TSPOAP1: variants seen among roughly 807,000 people sequenced by gnomAD.
TSPOAP1 encodes peripheral-type benzodiazepine receptor-associated protein 1.
TSPOAP1 carries 87 observed loss-of-function variants against 197.0 expected under a neutral mutation model. The ratio of observed to expected loss-of-function variants is 0.44; its 90% confidence interval spans 0.37 to 0.53. The LOEUF is 0.53. Ranked by LOEUF, TSPOAP1 falls within the 20% of genes least tolerant of loss-of-function variation. The probability of loss-of-function intolerance (pLI) is 0.00; values close to 1 mark genes in which losing one functional copy is unlikely to be tolerated. For synonymous variants in TSPOAP1, 913 were observed against 998.9 expected (o/e 0.91, Z 1.62); for missense variants, 2,174 against 2,411.3 (o/e 0.90, Z 2.06).
In TSPOAP1 at chr17:58,312,643, G is replaced by A. The variant is rs1355928003; in HGVS notation, c.2178C>T (p.Ser726=). Residue 726 remains serine (S), a synonymous_variant, in exon 17 of 32, where the codon TCC becomes TCT. Coordinates refer to ENST00000343736, the MANE Select transcript of TSPOAP1 (RefSeq NM_004758.4). ...ERVSDDDLLT[S]LPPELADLSH... ...ACAAATCGGCCAGCTCTGGAGGGAG[G>A]GAGGTCAGGAGGTCATCATCCGACA... 1.2e-6 allele frequency: 2 copies of A among 1,613,822 alleles called. No homozygotes were observed. Among genetic ancestry groups the A allele is most frequent in the South Asian group, 1.1e-5 (1 of 91,088 alleles).
At chr17:58,318,013 C>T (rs1250754666) in intron 14 of TSPOAP1, among the ~76,000 whole-genome samples, 2 of 152,236 alleles carry the variant, frequency 1.3e-5, no homozygotes, top group Non-Finnish European at 2.9e-5. Context: ...CTCCTCCATC[C>T]AGCCCAGCAC....
chr17:58,312,736 G>T lies in TSPOAP1; in HGVS notation c.2099-14C>A. The T allele has an allele frequency of 6.2e-7, 1 of 1,608,548 alleles. No homozygotes were observed. The highest frequency in any genetic ancestry group is 1.1e-5 in the South Asian group (1 of 90,628). ...CCATGAGCTCTCCTGGCAGGAGGAG[G>T]ACAGGAAGGGGCAGGGCAGGGGAAG... On this transcript the variant is annotated splice_polypyrimidine_tract_variant and intron_variant, in intron 16 of 31. Coordinates refer to ENST00000343736, the MANE Select transcript of TSPOAP1 (RefSeq NM_004758.4).
rs1217853965 is a variant in TSPOAP1, at chr17:58,328,249, G to A, written c.-329C>T. On this transcript the variant is annotated 5_prime_UTR_variant, in exon 1 of 32. Transcript: ENST00000343736. This position sits in a 1 kb window ranked among gnomAD's most constrained non-coding sequence, Gnocchi z 4.3. ...GCTGCGCCTGGGTGAGGGTGCGTGTGTGTGTCTCCAGGTCTGTCCGTGCAG... is the reference window on the plus strand; with the variant it reads ...GCTGCGCCTGGGTGAGGGTGCGTGTATGTGTCTCCAGGTCTGTCCGTGCAG... The A allele has an allele frequency of 7.4e-6, 3 of 404,110 alleles. No individual in the cohort carries two copies. The highest frequency in any genetic ancestry group is 2.0e-5 in the African/African-American group (1 of 50,204). The allele number at this position is 404,110 out of a possible 1,614,324, so 25.0% of individuals were successfully genotyped here.
Position 58,310,633 on chromosome 17 carries a change from C to T in TSPOAP1, c.3578G>A (p.Trp1193Ter). Residue 1193 changes from tryptophan to a stop codon, truncating the protein, a stop_gained, in exon 20 of 32, where the codon TGG becomes TAG. Coordinates refer to ENST00000343736, the MANE Select transcript of TSPOAP1 (RefSeq NM_004758.4). LOFTEE classifies it high-confidence loss of function. ...GGCCGGACAGGCCTCTCCTGCAGTC[C>T]ACTCGGCCTCCTGCTTGGCCAGTGA... Reference protein sequence around the residue: ...APSLAKQEAEWTAGEACPASS... With the variant: ...APSLAKQEAE 1 of 1,613,172 alleles carries T rather than the reference C, an allele frequency of 6.2e-7. No individual in the cohort carries two copies.
chr17:58,326,138 C>G lies in TSPOAP1; in HGVS notation c.570+155G>C, dbSNP rs985408578. 6.6e-6 allele frequency among the ~76,000 whole-genome samples: 1 copy of G among 152,212 alleles called. No homozygotes were observed. The highest frequency in any genetic ancestry group is 1.5e-5 in the Non-Finnish European group (1 of 68,048). On this transcript the variant is annotated intron_variant, in intron 3 of 31. Transcript: ENST00000343736. This position sits in a 1 kb window ranked among gnomAD's most constrained non-coding sequence, Gnocchi z 4.7. Reference sequence around the variant, plus strand: ...ACCTTTGGCCTCCTTGCCTGGCCAGCCTCTGCCCTTCCTGCACCTTAGCCC... The same window carrying G: ...ACCTTTGGCCTCCTTGCCTGGCCAGGCTCTGCCCTTCCTGCACCTTAGCCC...
rs72839985 is a variant in TSPOAP1 at position 58,306,329 on chromosome 17, G to A, written c.5224+13C>T. 0.068 allele frequency: 105,129 copies of A among 1,550,370 alleles called. 3,889 individuals are homozygous for A. Among genetic ancestry groups the A allele is most frequent in the South Asian group, 0.11 (8,886 of 84,024 alleles). ...TCCTCCCAGCACCTGAGAGAGAATG[G>A]GGTCTTACCCACCTTTCTTGGAGCG... On this transcript the variant is annotated intron_variant, in intron 26 of 31. Coordinates refer to ENST00000343736, the MANE Select transcript of TSPOAP1 (RefSeq NM_004758.4).
In TSPOAP1 at chr17:58,310,587, T is replaced by C; in HGVS notation, c.3624A>G (p.Ala1208=). ...CGGTATTTGGCGCCTGCTGGGCCCG[T>C]GCTCCCTGGGTGGAGCTGGAGGCCG... The part of the protein sequence containing the change: ...ACPASSSTQG[A]RAQQAPNTEM... Residue 1208 remains alanine, a synonymous_variant, in exon 20 of 32, where the codon GCA becomes GCG. Coordinates refer to ENST00000343736, the MANE Select transcript of TSPOAP1 (RefSeq NM_004758.4). 1.2e-6 allele frequency: 2 copies of C among 1,613,302 alleles called. No homozygotes were observed. The highest frequency in any genetic ancestry group is 1.7e-6 in the Non-Finnish European group (2 of 1,180,010).
In TSPOAP1 at chr17:58,312,403, G is replaced by T; in HGVS notation, c.2418C>A (p.Ser806Arg). 1 of 1,612,730 alleles carries T rather than the reference G, an allele frequency of 6.2e-7. No homozygotes were observed. Among genetic ancestry groups the T allele is most frequent in the South Asian group, 1.1e-5 (1 of 90,962 alleles). ...GAGGCGGCTCCCAGGCCAGCACCACGCTGTGGGCCAGCTGCTTGAGGACCA... is the reference window on the plus strand; with the variant it reads ...GAGGCGGCTCCCAGGCCAGCACCACTCTGTGGGCCAGCTGCTTGAGGACCA... Reference protein sequence around the residue: ...RLVVLKQLAHSVVLAWEPPPE... With the variant: ...RLVVLKQLAHRVVLAWEPPPE... The change falls in exon 17 of 32, where the codon AGC becomes AGA. Residue 806 changes from serine (S) to arginine (R), a missense_variant. By Grantham distance (110) the Ser-to-Arg change is moderately radical. This residue lies in a region of TSPOAP1 where 1,933 missense variants were observed against 2,139.0 expected (regional missense o/e 0.90). Coordinates refer to ENST00000343736, the MANE Select transcript of TSPOAP1 (RefSeq NM_004758.4).
At position 58,326,114 on chromosome 17, in the gene TSPOAP1, C is replaced by A. The variant is rs992388891; in HGVS notation, c.570+179G>T. On this transcript the variant is annotated intron_variant, in intron 3 of 31. Coordinates refer to ENST00000343736, the MANE Select transcript of TSPOAP1 (RefSeq NM_004758.4). The surrounding 1 kb of genome is among the most constrained non-coding windows in gnomAD (Gnocchi z 4.7). ...TCTCTGCCCCCTGCAGCTCCAGAAACCTTTGGCCTCCTTGCCTGGCCAGCC... is the reference window on the plus strand; with the variant it reads ...TCTCTGCCCCCTGCAGCTCCAGAAAACTTTGGCCTCCTTGCCTGGCCAGCC... 6.6e-5 allele frequency among the ~76,000 whole-genome samples: 10 copies of A among 152,182 alleles called. No individual in the cohort carries two copies. Among genetic ancestry groups the A allele is most frequent in the East Asian group, 3.9e-4 (2 of 5,184 alleles).
chr17:58,324,777 G>A lies in TSPOAP1; in HGVS notation c.942+34C>T. The stretch of plus-strand genomic sequence containing the variant: ...GGTCGTTCCCCCCACCCATCTGCAC[G>A]CACCCACACACCTGCCCTTGCGCCG... On this transcript the variant is annotated intron_variant, in intron 5 of 31. Transcript: ENST00000343736. This position sits in a 1 kb window ranked among gnomAD's most constrained non-coding sequence, Gnocchi z 5.8. 3.5e-6 allele frequency: 5 copies of A among 1,423,950 alleles called. No homozygotes were observed. The highest frequency in any genetic ancestry group is 4.6e-6 in the Non-Finnish European group (5 of 1,089,758). 88.2% of individuals were successfully genotyped at this position (1,423,950 alleles called of 1,614,324 possible). A position where few individuals can be genotyped will look rare whatever the true frequency, so the allele number is the denominator to read the frequency against.
chr17:58,320,302 G>C (rs1971367403), intron 11 of TSPOAP1, among the ~76,000 whole-genome samples, 173 bp from the exon 12 acceptor site: 3 of 152,116 alleles, frequency 2.0e-5, no homozygotes, highest in Admixed American at 2.0e-4. Context: ...GCCTCTGGGG[G>C]TGGCAGCAAT....
chr17:58,305,843 C>G lies in TSPOAP1; in HGVS notation c.5247G>C (p.Gln1749His), dbSNP rs148464443. ...GGGATATTCCTTCACCTGGACAGGG[C>G]TGGGCAGGGCCTTCCGACTCAGCTG... ...SKKAESEGPA[Q>H]PCPGPPKLVP... The change falls in exon 27 of 32, where the codon CAG (glutamine) becomes CAC (histidine). Residue 1749 changes from glutamine to histidine, a missense_variant. By Grantham distance (24) the Gln-to-His change is conservative. Coordinates refer to ENST00000343736, the MANE Select transcript of TSPOAP1 (RefSeq NM_004758.4). 4.3e-6 allele frequency: 7 copies of G among 1,612,954 alleles called. No homozygotes were observed. In the East Asian group the frequency reaches 1.3e-4, roughly 31 times the overall value.
At position 58,307,871 on chromosome 17, in the gene TSPOAP1, C is replaced by T. The variant is rs115431563; in HGVS notation, c.4802G>A (p.Arg1601Gln). Residue 1601 changes from arginine (R) to glutamine (Q), a missense_variant, in exon 23 of 32, where the codon CGA (arginine) becomes CAA (glutamine). Physicochemically the swap from Arg to Gln is conservative, Grantham distance 43. Coordinates refer to ENST00000343736, the MANE Select transcript of TSPOAP1 (RefSeq NM_004758.4). ...CTCTGCAGTGCTTGGCCTGAGGACT[C>T]GGACACCTCTCTTCTGGGGGCCCCT... ...GRRGPQKRGV[R>Q]VLRPSTAELV... 37 of 1,613,724 alleles carry T rather than the reference C, an allele frequency of 2.3e-5. No homozygotes were observed. The East Asian group carries it at 6.9e-4, about 30-fold the overall frequency.
In TSPOAP1 at chr17:58,311,899, G is replaced by A. The variant is rs1179121181; in HGVS notation, c.2922C>T (p.Leu974=). Residue 974 remains leucine (L), a synonymous_variant, in exon 17 of 32, where the codon CTC becomes CTT. Transcript: ENST00000343736. ...QRAATLQFTT[L]PAGPPDAPLD... ...GGGCCCAAGCCCACATACCTGCTGG[G>A]AGTGTGGTGAACTGCAGGGTGGCAG... 1.9e-6 allele frequency: 3 copies of A among 1,546,704 alleles called. No individual in the cohort carries two copies. The highest frequency in any genetic ancestry group is 2.6e-6 in the Non-Finnish European group (3 of 1,146,630).
chr17:58,318,169 C>A, intron 14 of TSPOAP1, 111 bp downstream of exon 14: 1 of 1,336,270 alleles, frequency 7.5e-7, no homozygotes, highest in East Asian at 2.4e-5. Flanking sequence ...CAACTTGGGA[C>A]CCCAGAAGTT....
intron 25 of TSPOAP1, 179 bp downstream of exon 25, chr17:58,306,621 A>G (rs1970902954): frequency 1.1e-6 from 1 of 934,748 alleles, no homozygotes. Flanking sequence ...ACAGACGCCC[A>G]CTCCACGCGG....
At chr17:58,305,811 G>A (rs369426839) in intron 27 of TSPOAP1, 22 bp downstream of exon 27, 56 of 1,612,014 alleles carry the variant, frequency 3.5e-5, no homozygotes, top group South Asian at 1.8e-4. Context: ...CCAGCCTCCC[G>A]GGCCCAGGGA....
In TSPOAP1 at chr17:58,305,064, ACT is replaced by A; in HGVS notation, c.5539_5540del (p.Gln1848GlufsTer17). The A allele has an allele frequency of 6.2e-7, 1 of 1,612,960 alleles. No individual in the cohort carries two copies. The highest frequency in any genetic ancestry group is 8.5e-7 in the Non-Finnish European group (1 of 1,179,234). ...GGGAGCCCAGCTCCTCACTGACCTG[ACT>A]CTCAGCCTGGGGTGTCCTGGGTTCC... ...DREPRTPQAE[S>X]QRTRRRRVQC On this transcript the variant is annotated frameshift_variant, in exon 30 of 32. Transcript: ENST00000343736. LOFTEE classifies it high-confidence loss of function.
intron 22 of TSPOAP1, 84 bp from the exon 23 acceptor site, chr17:58,308,025 G>T (rs1253464996): frequency 7.4e-7 from 1 of 1,346,014 alleles, no homozygotes. Context: ...CCCCATCAGC[G>T]TAAGCAGCAC....
Sources: gnomAD v4.1 joint callset for allele counts (sites outside exome capture counted in the v4.1 genomes callset) on GRCh38, gnomAD v4.1.1 for gene constraint, gnomAD v4.1.1 regional missense constraint, Gnocchi (gnomAD v3.1) non-coding constraint, MANE v1.5 for transcripts, NCBI Gene and HGNC (gene_info 2026-07-23, HGNC 2026-07-21) for gene names.